The following TMEM94 variants were observed in gnomAD, a reference collection of about 807,000 sequenced individuals.
TMEM94 encodes the protein ER Mg2+ ATPase.
In TMEM94, 81 loss-of-function variants were observed where a neutral mutation model predicts 158.6. That is an observed-to-expected ratio of 0.51 (90% CI 0.43 to 0.61). TMEM94 has a LOEUF of 0.61. TMEM94 is among the 20% of genes least tolerant of loss of function. The pLI, the probability that TMEM94 is intolerant of heterozygous loss-of-function variation, is 0.00. For synonymous variants in TMEM94, 751 were observed against 730.7 expected (o/e 1.03, Z -0.45); for missense variants, 1,435 against 1,762.0 (o/e 0.81, Z 3.32).
chr17:75,490,324 A>G lies in TMEM94; in HGVS notation c.1045A>G (p.Met349Val). The G allele has an allele frequency of 6.2e-7, 1 of 1,613,948 alleles. No homozygotes were observed. Among genetic ancestry groups the G allele is most frequent in the Non-Finnish European group, 8.5e-7 (1 of 1,180,004 alleles). ...ACGEARVLAQ[M>V]SKASPSSLLA... The stretch of plus-strand genomic sequence containing the variant: ...TGGAGAGGCCCGTGTCCTGGCCCAG[A>G]TGAGCAAGGCCTCACCCAGCTCCCT... The change falls in exon 10 of 32, where the codon ATG becomes GTG. Residue 349 changes from methionine to valine, a missense_variant. Transcript: ENST00000314256.
In TMEM94 at chr17:75,466,676, G is replaced by A. The variant is rs568340753; in HGVS notation, c.-106-5124G>A. ...TACTAAAAATGCAAAAAATTAGCCG[G>A]CCATGGTGGTGGACACCTGTAATCC... is the stretch of plus-strand genomic sequence containing the variant. On this transcript the variant is annotated intron_variant, in intron 1 of 31. Coordinates refer to ENST00000314256, the MANE Select transcript of TMEM94 (RefSeq NM_014738.6). Among the ~76,000 whole-genome samples, 24 of 152,104 alleles carry A rather than the reference G, an allele frequency of 1.6e-4. No homozygotes were observed. The South Asian group carries it at 5.0e-3, about 32-fold the overall frequency.
At chr17:75,482,004 G>GTT (rs1834816940) in intron 2 of TMEM94, among the ~76,000 whole-genome samples, 1 of 152,172 alleles carries the variant, frequency 6.6e-6, no homozygotes. Flanking sequence ...GAGGTCAGGA[G>GTT]TTTAAGACCA....
rs1398798169 is a variant in TMEM94 at position 75,478,076 on chromosome 17, C to T, written c.24+6147C>T. Among the ~76,000 whole-genome samples, 6 of 98,438 alleles carry T rather than the reference C, an allele frequency of 6.1e-5. 1 individual carries two copies. In the Middle Eastern group the frequency reaches 0.048, roughly 781 times the overall value. The allele number at this position is 98,438 out of a possible 152,430, so 64.6% of individuals were successfully genotyped here. A position where few individuals can be genotyped will look rare whatever the true frequency, so the allele number is the denominator to read the frequency against. On this transcript the variant is annotated intron_variant, in intron 2 of 31. Coordinates refer to ENST00000314256, the MANE Select transcript of TMEM94 (RefSeq NM_014738.6). ...TGTCGCCCAGGCTGGAGTGCAGTGG[C>T]GGGATCTCGGCTCACTGCAAGCTCC...
intron 1 of TMEM94, among the ~76,000 whole-genome samples, chr17:75,466,381 C>G (rs1325049085): frequency 6.6e-6 from 1 of 152,164 alleles, no homozygotes; most frequent in Non-Finnish European, 1.5e-5. Flanking sequence ...GTTAAATCTT[C>G]AAATCAGGTA....
intron 2 of TMEM94, among the ~76,000 whole-genome samples, chr17:75,480,716 G>A (rs1251350495): frequency 1.3e-5 from 2 of 152,352 alleles, no homozygotes; most frequent in South Asian, 4.1e-4. Context: ...ACCTTCCTGA[G>A]TGTGGTCCTC....
intron 1 of TMEM94, among the ~76,000 whole-genome samples, chr17:75,460,945 ACT>A (rs1426810678): frequency 6.6e-6 from 1 of 151,822 alleles, no homozygotes; most frequent in Non-Finnish European, 1.5e-5. Context: ...CCAAACTGAA[ACT>A]CTGTCACCAT....
chr17:75,491,101 C>CT lies in TMEM94; in HGVS notation c.1181_1182insT (p.Pro395AlafsTer53). ...TTCCTGAGGGTGCTCGGGGGGACAT[C>CT]GCCAACGCTGAGCCACAGTTCCAGC... is the stretch of plus-strand genomic sequence containing the variant. On this transcript the variant is annotated frameshift_variant, in exon 12 of 32. Coordinates refer to ENST00000314256, the MANE Select transcript of TMEM94 (RefSeq NM_014738.6). LOFTEE classifies it high-confidence loss of function. This position sits in a 1 kb window ranked among gnomAD's most constrained non-coding sequence, Gnocchi z 5.1. 6.2e-7 allele frequency: 1 copy of CT among 1,613,502 alleles called. No individual in the cohort carries two copies. The highest frequency in any genetic ancestry group is 8.5e-7 in the Non-Finnish European group (1 of 1,179,750).
intron 18 of TMEM94, 59 bp from the exon 19 acceptor site, chr17:75,494,568 G>T: frequency 6.4e-7 from 1 of 1,565,390 alleles, no homozygotes; most frequent in Non-Finnish European, 8.7e-7. Context: ...TGTGTGTGTG[G>T]CCCTGGGCTG....
In TMEM94 at chr17:75,497,191, C is replaced by T; in HGVS notation, c.3400C>T (p.Leu1134=). 1 of 1,613,668 alleles carries T rather than the reference C, an allele frequency of 6.2e-7. No homozygotes were observed. Among genetic ancestry groups the T allele is most frequent in the Middle Eastern group, 1.6e-4 (1 of 6,062 alleles). The change falls in exon 26 of 32, where the codon CTG becomes TTG. Residue 1134 remains leucine, a synonymous_variant. Transcript: ENST00000314256. ...ILWLSCFCYP[L]LSISLLGKPP... is the part of the protein sequence containing the mutation. Reference sequence around the variant, plus strand: ...GTGGCTGTCCTGCTTTTGCTACCCTCTGCTCAGGTGAGATGCCATGTATCT... The same window carrying T: ...GTGGCTGTCCTGCTTTTGCTACCCTTTGCTCAGGTGAGATGCCATGTATCT...
chr17:75,483,172 C>A (rs1286839020), intron 2 of TMEM94, among the ~76,000 whole-genome samples: 2 of 152,096 alleles, frequency 1.3e-5, no homozygotes, highest in Non-Finnish European at 2.9e-5. Flanking sequence ...TCAGGAGGAG[C>A]AGGAAAGGAG....
intron 2 of TMEM94, among the ~76,000 whole-genome samples, chr17:75,481,464 G>T (rs961954753): frequency 2.0e-5 from 3 of 152,240 alleles, no homozygotes; most frequent in Non-Finnish European, 4.4e-5. Context: ...AGCACTGGGG[G>T]CTCCACTTGA....
chr17:75,495,593 T>C lies in TMEM94; in HGVS notation c.2894T>C (p.Ile965Thr). 1.2e-6 allele frequency: 2 copies of C among 1,613,572 alleles called. No individual in the cohort carries two copies. Among genetic ancestry groups the C allele is most frequent in the Non-Finnish European group, 1.7e-6 (2 of 1,180,004 alleles). ...IHQVRPHLQN[I>T]DNVPLLVPLF... Reference sequence around the variant, plus strand: ...CAAGTGCGGCCCCACCTGCAGAACATTGACAACGTGCCCCTGCTAGTGCCC... The same window carrying C: ...CAAGTGCGGCCCCACCTGCAGAACACTGACAACGTGCCCCTGCTAGTGCCC... The change falls in exon 22 of 32, where the codon ATT becomes ACT. Residue 965 changes from isoleucine (I) to threonine (T), a missense_variant. Around this residue, in one of 3 missense-constraint regions of TMEM94, gnomAD observed 49 missense variants for 98.5 expected, o/e 0.50. Transcript: ENST00000314256. The surrounding 1 kb of genome is among the most constrained non-coding windows in gnomAD (Gnocchi z 5.6).
In TMEM94 at chr17:75,498,353, C is replaced by G; in HGVS notation, c.3638+30C>G. 1 of 1,612,594 alleles carries G rather than the reference C, an allele frequency of 6.2e-7. No homozygotes were observed. Among genetic ancestry groups the G allele is most frequent in the Non-Finnish European group, 8.5e-7 (1 of 1,179,700 alleles). ...GTCCCAGCCCCAGAGATCCACCCAT[C>G]GCCTGCCTCGCCTCGAGGCTTCCTC... is the stretch of plus-strand genomic sequence containing the variant. On this transcript the variant is annotated intron_variant, in intron 28 of 31. Coordinates refer to ENST00000314256, the MANE Select transcript of TMEM94 (RefSeq NM_014738.6). The surrounding 1 kb of genome is among the most constrained non-coding windows in gnomAD (Gnocchi z 6.7).
At chr17:75,488,724 C>G (rs1253446134) in intron 6 of TMEM94, 35 bp from the exon 7 acceptor site, 2 of 1,603,398 alleles carry the variant, frequency 1.2e-6, no homozygotes, top group African/African-American at 2.7e-5. Flanking sequence ...CTGATAGGAC[C>G]CTCTCGTTCC....
At chr17:75,493,218 T>A in intron 16 of TMEM94, 116 bp downstream of exon 16, 2 of 1,126,716 alleles carry the variant, frequency 1.8e-6, no homozygotes, top group South Asian at 3.1e-5. Flanking sequence ...AGTAGACTGC[T>A]TCCAAGTGTT....
At chr17:75,496,904 A>T in intron 25 of TMEM94, 97 bp downstream of exon 25, 1 of 1,351,772 alleles carries the variant, frequency 7.4e-7, no homozygotes, top group South Asian at 1.2e-5. Flanking sequence ...GGTTAGCAGT[A>T]CAGTCAAGGG....
chr17:75,496,916 TCC>T, intron 25 of TMEM94, 109 bp downstream of exon 25: 1 of 1,261,808 alleles, frequency 7.9e-7, no homozygotes, highest in Non-Finnish European at 1.1e-6. Flanking sequence ...AGTCAAGGGG[TCC>T]CCCCAGAGCC....
chr17:75,468,099 G>C (rs1567910257), intron 1 of TMEM94, among the ~76,000 whole-genome samples: 1 of 152,202 alleles, frequency 6.6e-6, no homozygotes. Flanking sequence ...TGGCGTTTGA[G>C]ACATACTGGA....
In TMEM94 at chr17:75,487,478, G is replaced by A; in HGVS notation, c.410-454G>A. 1 of 158,122 alleles carries A rather than the reference G, an allele frequency of 6.3e-6. No homozygotes were observed. The highest frequency in any genetic ancestry group is 1.4e-5 in the Non-Finnish European group (1 of 71,676). 9.8% of individuals were successfully genotyped at this position (158,122 alleles called of 1,614,324 possible). ...CAGGAAGCCACCTCTGATCGCCCCA[G>A]CAAATCGGTTTGCTCCCTCTTCTGG... is the stretch of plus-strand genomic sequence containing the variant. On this transcript the variant is annotated intron_variant, in intron 5 of 31. Transcript: ENST00000314256. This position sits in a 1 kb window ranked among gnomAD's most constrained non-coding sequence, Gnocchi z 4.6.
Sources: allele counts gnomAD v4.1 joint callset (sites outside exome capture counted in the v4.1 genomes callset), GRCh38; gene constraint gnomAD v4.1.1; regional missense constraint gnomAD v4.1.1; non-coding constraint Gnocchi (gnomAD v3.1); transcripts MANE v1.5; gene names NCBI Gene and HGNC (gene_info 2026-07-23, HGNC 2026-07-21).